ATP8A2: variants seen among roughly 807,000 people sequenced by gnomAD.
The protein encoded by ATP8A2 is ATPase phospholipid transporting 8A2.
A neutral mutation model predicts 165.6 loss-of-function variants in ATP8A2; 100 were observed. The observed-to-expected ratio is 0.60, with a 90% CI of 0.51 to 0.71. ATP8A2 has a LOEUF of 0.71. Ranked by LOEUF, ATP8A2 falls within the 30% of genes least tolerant of loss-of-function variation. ATP8A2 has a pLI of 0.00. For synonymous variants in ATP8A2, 543 were observed against 548.8 expected (o/e 0.99, Z 0.15); for missense variants, 1,227 against 1,479.5 (o/e 0.83, Z 2.80).
intron 2 of ATP8A2, among the ~76,000 whole-genome samples, chr13:25,497,600 A>G (rs190259401): frequency 2.6e-5 from 4 of 152,288 alleles, no homozygotes; most frequent in African/African-American, 9.6e-5. Context: ...GCAAATATCT[A>G]TCATTTAGAC....
At chr13:25,868,279 C>A in intron 33 of ATP8A2, 1 of 340,540 alleles carries the variant, frequency 2.9e-6, no homozygotes, top group Non-Finnish European at 5.9e-6. Context: ...AGATAACATT[C>A]CAGAAAACAC....
chr13:25,388,909 A>T (rs2033149894), intron 1 of ATP8A2, among the ~76,000 whole-genome samples: 1 of 152,190 alleles, frequency 6.6e-6, no homozygotes, highest in Non-Finnish European at 1.5e-5. Flanking sequence ...TGGAAAACAG[A>T]TTCACCAGGG....
chr13:25,643,386 T>C (rs2137581244), intron 24 of ATP8A2, among the ~76,000 whole-genome samples: 1 of 152,314 alleles, frequency 6.6e-6, no homozygotes, highest in African/African-American at 2.4e-5. Flanking sequence ...TTTGTTGTTA[T>C]GACAGTGTCT....
intron 24 of ATP8A2, among the ~76,000 whole-genome samples, chr13:25,616,326 C>CTTTCT (rs1357480265): frequency 3.9e-4 from 42 of 106,738 alleles, no homozygotes; most frequent in African/African-American, 1.5e-3. Flanking sequence ...TTCTTTCTTT[C>CTTTCT]TTTTTTTTTT....
intron 1 of ATP8A2, among the ~76,000 whole-genome samples, chr13:25,467,130 C>T (rs566440651): frequency 5.3e-5 from 8 of 152,250 alleles, no homozygotes; most frequent in Middle Eastern, 6.8e-3. Context: ...CATGGGGAGC[C>T]AGAAAGACCC....
intron 1 of ATP8A2, among the ~76,000 whole-genome samples, chr13:25,451,846 T>C (rs1050622454): frequency 5.2e-5 from 6 of 114,420 alleles, no homozygotes; most frequent in Admixed American, 4.6e-4. Flanking sequence ...CAAATATACC[T>C]TCATGGTTTT....
Position 25,511,838 on chromosome 13 carries a change from ACTT to A in ATP8A2, c.222-18155_222-18153del, listed in dbSNP as rs201653173. ...AATCTTTGTTCTTAGAGTTCTAGCA[ACTT>A]CTTCTGTATAACTTGTTAATATTAT... is the stretch of plus-strand genomic sequence containing the variant. On this transcript the variant is annotated intron_variant, in intron 2 of 36. Transcript: ENST00000381655. 7.5e-3 allele frequency among the ~76,000 whole-genome samples: 1,138 copies of A among 151,200 alleles called. 15 individuals are homozygous for A. The highest frequency in any genetic ancestry group is 0.026 in the African/African-American group (1,078 of 41,238).
At chr13:25,945,755 G>A (rs934706332) in intron 33 of ATP8A2, among the ~76,000 whole-genome samples, 7 of 152,162 alleles carry the variant, frequency 4.6e-5, no homozygotes, top group Non-Finnish European at 1.0e-4. Flanking sequence ...GGATTTTTCT[G>A]CTCCGGGAAG....
intron 25 of ATP8A2, among the ~76,000 whole-genome samples, chr13:25,730,933 G>A (rs575796543): frequency 2.8e-4 from 42 of 152,068 alleles, no homozygotes; most frequent in Admixed American, 1.1e-3. Flanking sequence ...AAATTAGCCA[G>A]GTTGGCGGCA....
chr13:25,380,171 C>T (rs2032787546), intron 1 of ATP8A2, among the ~76,000 whole-genome samples: 1 of 152,092 alleles, frequency 6.6e-6, no homozygotes, highest in Non-Finnish European at 1.5e-5. Flanking sequence ...TGGAAAACAG[C>T]TGGGTTGCAA....
At chr13:25,564,736 G>A (rs1046849294) in intron 16 of ATP8A2, among the ~76,000 whole-genome samples, 1 of 151,994 alleles carries the variant, frequency 6.6e-6, no homozygotes, top group African/African-American at 2.4e-5. Flanking sequence ...TGAGGAACAG[G>A]TGGTATTTGG....
intron 24 of ATP8A2, among the ~76,000 whole-genome samples, chr13:25,594,351 A>G (rs535503351): frequency 1.4e-4 from 21 of 152,336 alleles, no homozygotes; most frequent in African/African-American, 4.8e-4. Context: ...GCAGTGTAGC[A>G]ATAATTAAGT....
intron 1 of ATP8A2, among the ~76,000 whole-genome samples, chr13:25,423,774 T>C (rs753729953): frequency 6.6e-6 from 1 of 152,220 alleles, no homozygotes; most frequent in African/African-American, 2.4e-5. Flanking sequence ...GATCTTTCCT[T>C]ACAACAATAT....
At chr13:25,970,805 G>A (rs1003372646) in intron 35 of ATP8A2, among the ~76,000 whole-genome samples, 3 of 152,174 alleles carry the variant, frequency 2.0e-5, no homozygotes, top group Non-Finnish European at 2.9e-5. Flanking sequence ...CCTTGAAAGA[G>A]TGTGTGAGCC....
chr13:25,895,143 T>A (rs1342936293), intron 33 of ATP8A2, among the ~76,000 whole-genome samples: 2 of 152,162 alleles, frequency 1.3e-5, no homozygotes, highest in Non-Finnish European at 2.9e-5. Flanking sequence ...CCAGTTTTTG[T>A]CCATTCAGTA....
intron 33 of ATP8A2, among the ~76,000 whole-genome samples, chr13:25,893,771 T>C: frequency 6.6e-6 from 1 of 152,136 alleles, no homozygotes; most frequent in African/African-American, 2.4e-5. Flanking sequence ...TATCTCATTG[T>C]GGTTTTGATT....
chr13:25,427,434 G>A (rs1014508207), intron 1 of ATP8A2, among the ~76,000 whole-genome samples: 1 of 151,994 alleles, frequency 6.6e-6, no homozygotes, highest in African/African-American at 2.4e-5. Flanking sequence ...AATAGAATAA[G>A]GTGCACAATA....
At chr13:25,664,094 A>T (rs1314303812) in intron 24 of ATP8A2, among the ~76,000 whole-genome samples, 1 of 152,148 alleles carries the variant, frequency 6.6e-6, no homozygotes, top group Non-Finnish European at 1.5e-5. Flanking sequence ...CTGTAATCCC[A>T]GCTCCTCGGG....
At position 25,372,342 on chromosome 13, in the gene ATP8A2, G is replaced by C. The variant is rs1005135517; in HGVS notation, c.76+54G>C. On this transcript the variant is annotated intron_variant, in intron 1 of 36. Transcript: ENST00000381655. This position sits in a 1 kb window ranked among gnomAD's most constrained non-coding sequence, Gnocchi z 4.8. The stretch of plus-strand genomic sequence containing the variant: ...GGTGGGCCCGGGGCGGGGGCGGCGC[G>C]GGGCGCGCCTGCGGTTATGCGACAC... The C allele has an allele frequency of 3.8e-6, 5 of 1,321,070 alleles. No homozygotes were observed. In the African/African-American group the frequency reaches 4.7e-5, roughly 12 times the overall value. The allele number at this position is 1,321,070 out of a possible 1,614,324, so 81.8% of individuals were successfully genotyped here. A position where few individuals can be genotyped will look rare whatever the true frequency, so the allele number is the denominator to read the frequency against.
Sources: gnomAD v4.1 joint callset for allele counts (sites outside exome capture counted in the v4.1 genomes callset) on GRCh38, gnomAD v4.1.1 for gene constraint, Gnocchi (gnomAD v3.1) non-coding constraint, MANE v1.5 for transcripts, NCBI Gene and HGNC (gene_info 2026-07-23, HGNC 2026-07-21) for gene names.